DTX2: variants seen among roughly 807,000 people sequenced by gnomAD.
DTX2 encodes deltex E3 ubiquitin ligase 2, also known as probable E3 ubiquitin-protein ligase DTX2.
DTX2 carries 29 observed loss-of-function variants against 55.3 expected under a neutral mutation model. The ratio of observed to expected loss-of-function variants is 0.52; its 90% confidence interval spans 0.39 to 0.71. The LOEUF (loss-of-function observed/expected upper bound fraction) is 0.71. Among genes scored for constraint, DTX2 ranks in the 30% least tolerant of loss-of-function variants. The pLI is 0.00. For synonymous variants in DTX2, 276 were observed against 340.4 expected (o/e 0.81, Z 2.08); for missense variants, 537 against 822.5 (o/e 0.65, Z 4.25).
Position 76,482,437 on chromosome 7 carries a change from A to G in DTX2, c.269-71A>G, listed in dbSNP as rs1584181787. ...CTATTTGTTTATTTTGGCGGTTGAA[A>G]AAAGAATTTGAACGTTCCCTGTATC... On this transcript the variant is annotated intron_variant, in intron 3 of 10. Coordinates refer to ENST00000430490, the MANE Select transcript of DTX2 (RefSeq NM_001102594.3). 10 of 1,490,510 alleles carry G rather than the reference A, an allele frequency of 6.7e-6. No homozygotes were observed. In the Middle Eastern group the frequency reaches 5.6e-4, roughly 84 times the overall value. The allele number at this position is 1,490,510 out of a possible 1,614,324, so 92.3% of individuals were successfully genotyped here.
chr7:76,502,509 G>A, intron 8 of DTX2, 53 bp downstream of exon 8: 1 of 1,579,906 alleles, frequency 6.3e-7, no homozygotes, highest in Non-Finnish European at 8.6e-7. Context: ...ACAGTCCTGA[G>A]CTGTCCCCTG....
intron 2 of DTX2, among the ~76,000 whole-genome samples, chr7:76,473,993 C>T (rs1423224775): frequency 7.8e-6 from 1 of 128,738 alleles, no homozygotes; most frequent in African/African-American, 3.0e-5. Flanking sequence ...GCGATCTCGG[C>T]TCACTGCAAC....
chr7:76,480,607 C>T lies in DTX2; in HGVS notation c.98C>T (p.Pro33Leu), dbSNP rs1385981938. Residue 33 changes from proline to leucine, a missense_variant, in exon 3 of 11, where the codon CCC (proline) becomes CTC (leucine). By Grantham distance (98) the Pro-to-Leu change is moderately conservative. Around this residue, in one of 7 missense-constraint regions of DTX2, gnomAD observed 301 missense variants for 396.6 expected, o/e 0.76. Coordinates refer to ENST00000430490, the MANE Select transcript of DTX2 (RefSeq NM_001102594.3). ...EWQDGLGTWH[P>L]YSATVCSFIE... Reference sequence around the variant, plus strand: ...CAGGACGGGCTGGGCACCTGGCACCCCTACAGTGCCACCGTCTGCAGCTTC... The same window carrying T: ...CAGGACGGGCTGGGCACCTGGCACCTCTACAGTGCCACCGTCTGCAGCTTC... 3 of 1,613,332 alleles carry T rather than the reference C, an allele frequency of 1.9e-6. 1 individual carries two copies. In the South Asian group the frequency reaches 3.3e-5, roughly 18 times the overall value.
intron 6 of DTX2, among the ~76,000 whole-genome samples, chr7:76,497,849 G>GGCCCAGGTCTGCTGCCCAGGTCTGCT (rs1368026383): frequency 6.7e-6 from 1 of 150,236 alleles, no homozygotes; most frequent in Non-Finnish European, 1.5e-5. Context: ...CCCAGACAGC[G>GGCCCAGGTCTGCTGCCCAGGTCTGCT]GCCCAGGTCT....
At position 76,480,560 on chromosome 7, in the gene DTX2, G is replaced by A. The variant is rs149301449; in HGVS notation, c.51G>A (p.Ala17=). Residue 17 remains alanine (A), a synonymous_variant, in exon 3 of 11, where the codon GCG becomes GCA. Coordinates refer to ENST00000430490, the MANE Select transcript of DTX2 (RefSeq NM_001102594.3). ...PSLVQVYTSP[A]AVAVWEWQDG... ...TGGTGCAGGTGTACACCAGCCCCGC[G>A]GCTGTGGCCGTGTGGGAATGGCAGG... 3.4e-4 allele frequency: 548 copies of A among 1,612,494 alleles called. 5 individuals are homozygous for A. In the African/African-American group the frequency reaches 5.9e-3, roughly 17 times the overall value.
chr7:76,503,907 G>A (rs546026257), intron 9 of DTX2, among the ~76,000 whole-genome samples: 4 of 148,660 alleles, frequency 2.7e-5, no homozygotes, highest in African/African-American at 9.8e-5. Context: ...GGAACCCTGC[G>A]GAGGGGCTGG....
intron 2 of DTX2, among the ~76,000 whole-genome samples, chr7:76,465,499 GC>G (rs527260554): frequency 1.7e-5 from 1 of 57,856 alleles, no homozygotes; most frequent in African/African-American, 1.0e-4. Context: ...AATCTTTTCT[GC>G]CCCCCCATCT....
rs1293180842 is a variant in DTX2 at position 76,502,459 on chromosome 7, G to A, written c.1389+3G>A. The A allele has an allele frequency of 1.9e-6, 3 of 1,610,498 alleles. No homozygotes were observed. The highest frequency in any genetic ancestry group is 2.5e-6 in the Non-Finnish European group (3 of 1,179,286). On this transcript the variant is annotated splice_donor_region_variant and intron_variant, in intron 8 of 10. Transcript: ENST00000430490. ...CCATGTACTGCAACGGCAATAAGGT[G>A]CCCCCACTGGCCCAGGGCGGAGGCG...
chr7:76,471,874 G>A (rs1480303026), intron 2 of DTX2, among the ~76,000 whole-genome samples: 3 of 151,244 alleles, frequency 2.0e-5, no homozygotes, highest in Admixed American at 2.0e-4. Context: ...GACCACAAGG[G>A]AATTGTAGGT....
chr7:76,480,593 G>A lies in DTX2; in HGVS notation c.84G>A (p.Leu28=). The A allele has an allele frequency of 6.2e-7, 1 of 1,613,060 alleles. No individual in the cohort carries two copies. Among genetic ancestry groups the A allele is most frequent in the South Asian group, 1.1e-5 (1 of 91,022 alleles). Residue 28 remains leucine, a synonymous_variant, in exon 3 of 11, where the codon CTG becomes CTA. Transcript: ENST00000430490. ...AVAVWEWQDG[L]GTWHPYSATV... is the part of the protein sequence containing the mutation. ...CCGTGTGGGAATGGCAGGACGGGCT[G>A]GGCACCTGGCACCCCTACAGTGCCA...
At chr7:76,481,653 G>A (rs1006890616) in intron 3 of DTX2, among the ~76,000 whole-genome samples, 1 of 152,034 alleles carries the variant, frequency 6.6e-6, no homozygotes. Context: ...GGTGGGAGGT[G>A]GGGGTGCTCC....
chr7:76,477,157 C>CCCGCCT lies in DTX2; in HGVS notation c.-89-3264_-89-3263insCCGCCT, dbSNP rs1554633525. ...ACTGAGCTGAACCATTCCGCCCGCC[C>CCCGCCT]GCCCGCCCGAGGGCACTCCAGGTCT... On this transcript the variant is annotated intron_variant, in intron 2 of 10. Coordinates refer to ENST00000430490, the MANE Select transcript of DTX2 (RefSeq NM_001102594.3). The CCCGCCT allele has an allele frequency of 7.7e-5, 10 of 129,704 alleles. 1 individual carries two copies. The South Asian group carries it at 1.4e-3, about 18-fold the overall frequency. 8.0% of individuals were successfully genotyped at this position (129,704 alleles called of 1,614,324 possible). A position where few individuals can be genotyped will look rare whatever the true frequency, so the allele number is the denominator to read the frequency against.
chr7:76,503,371 C>T (rs537113697), intron 8 of DTX2, 55 bp from the exon 9 acceptor site: 33 of 1,567,182 alleles, frequency 2.1e-5, no homozygotes, highest in Middle Eastern at 2.1e-4. Context: ...GTGGAGGTGA[C>T]GGTCTTGGGT....
chr7:76,501,179 A>G (rs935014788), intron 7 of DTX2: 5 of 426,092 alleles, frequency 1.2e-5, no homozygotes, highest in African/African-American at 4.1e-5. Context: ...CGGGAGTACC[A>G]GTACCCAGAG....
intron 2 of DTX2, among the ~76,000 whole-genome samples, chr7:76,480,077 G>A (rs142283581): frequency 0.051 from 4,143 of 81,418 alleles, 194 homozygotes; most frequent in Middle Eastern, 0.1. Flanking sequence ...GGAAGGCTGA[G>A]GCGAGTCTAT....
chr7:76,503,835 C>G (rs926917733), intron 9 of DTX2, among the ~76,000 whole-genome samples: 1 of 150,418 alleles, frequency 6.6e-6, no homozygotes, highest in South Asian at 2.2e-4. Context: ...GGAAGCCTTC[C>G]TAGAGGAGGA....
intron 6 of DTX2, among the ~76,000 whole-genome samples, chr7:76,499,098 A>T (rs1219889192): frequency 2.0e-4 from 1 of 5,002 alleles, no homozygotes; most frequent in Non-Finnish European, 3.2e-4. Flanking sequence ...AGGTGTGTGG[A>T]GGTGTGGGGT....
intron 4 of DTX2, among the ~76,000 whole-genome samples, chr7:76,483,356 C>T (rs1214106165): frequency 3.3e-5 from 5 of 152,316 alleles, no homozygotes; most frequent in South Asian, 2.1e-4. Flanking sequence ...GGTCACCACA[C>T]GGGTTAGAAT....
chr7:76,477,179 G>A (rs1465117464), intron 2 of DTX2: 1 of 142,570 alleles, frequency 7.0e-6, no homozygotes, highest in East Asian at 2.1e-4. Context: ...GGCACTCCAG[G>A]TCTGATCTTC....
Sources: allele counts gnomAD v4.1 joint callset (sites outside exome capture counted in the v4.1 genomes callset), GRCh38; gene constraint gnomAD v4.1.1; regional missense constraint gnomAD v4.1.1; transcripts MANE v1.5; gene names NCBI Gene and HGNC (gene_info 2026-07-23, HGNC 2026-07-21).